PLEKHG7: variants seen among roughly 807,000 people sequenced by gnomAD.
The protein encoded by PLEKHG7 is pleckstrin homology domain-containing family G member 7.
In PLEKHG7, 77 loss-of-function variants were observed where a neutral mutation model predicts 85.2. The observed-to-expected ratio is 0.90, with a 90% CI of 0.75 to 1.09. The LOEUF is 1.09. Among genes scored for constraint, PLEKHG7 ranks in the 50% least tolerant of loss-of-function variants. The pLI is 0.00. For missense variants in PLEKHG7, 777 were observed against 804.3 expected (o/e 0.97, Z 0.41); for synonymous variants, 301 against 302.4 (o/e 1.00, Z 0.05).
rs745714398 is a variant in PLEKHG7 at position 92,756,315 on chromosome 12, T to A, written c.1560T>A (p.Phe520Leu). 3 of 1,610,714 alleles carry A rather than the reference T, an allele frequency of 1.9e-6. No individual in the cohort carries two copies. In the Admixed American group the frequency reaches 5.0e-5, roughly 27 times the overall value. ...TTTACAAGTGTTTGAAACACATTTT[T>A]AAAGAACACATGGCAGAAAACATCT... is the stretch of plus-strand genomic sequence containing the variant. Reference protein sequence around the residue: ...FFIPECLKHIFKEHMAENILS... With the variant: ...FFIPECLKHILKEHMAENILS... Residue 520 changes from phenylalanine (F) to leucine (L), a missense_variant, in exon 13 of 17, where the codon TTT becomes TTA. By Grantham distance (22) the Phe-to-Leu change is conservative. This residue lies in a region of PLEKHG7 where 520 missense variants were observed against 544.0 expected (regional missense o/e 0.96). Coordinates refer to ENST00000344636, the MANE Select transcript of PLEKHG7 (RefSeq NM_001377329.1).
intron 3 of PLEKHG7, among the ~76,000 whole-genome samples, chr12:92,719,556 A>G (rs1381030536): frequency 1.3e-5 from 2 of 152,378 alleles, no homozygotes; most frequent in East Asian, 3.8e-4. Flanking sequence ...TAGCAAAGGA[A>G]AAGATAAGAC....
At position 92,707,034 on chromosome 12, in the gene PLEKHG7, C is replaced by T; in HGVS notation, c.403C>T (p.Pro135Ser). 1 of 1,614,180 alleles carries T rather than the reference C, an allele frequency of 6.2e-7. No individual in the cohort carries two copies. Among genetic ancestry groups the T allele is most frequent in the Non-Finnish European group, 8.5e-7 (1 of 1,180,034 alleles). The change falls in exon 2 of 17, where the codon CCT becomes TCT. Residue 135 changes from proline to serine, a missense_variant. Transcript: ENST00000344636. ...QTRPTDKYLPPELQPVNEGSL... is the reference protein window; with the variant it reads ...QTRPTDKYLPSELQPVNEGSL... ...CCGGCCCACTGACAAGTATCTCCCT[C>T]CTGAGCTTCAGCCTGTCAATGAAGG...
chr12:92,721,404 G>T, intron 3 of PLEKHG7: 1 of 1,194,118 alleles, frequency 8.4e-7, no homozygotes, highest in South Asian at 4.2e-5. Context: ...TGGACCTTCA[G>T]ATCTTCAGCA....
chr12:92,706,305 G>A (rs1269542537), intron 1 of PLEKHG7, among the ~76,000 whole-genome samples, 166 bp from the exon 2 acceptor site: 1 of 152,166 alleles, frequency 6.6e-6, no homozygotes, highest in African/African-American at 2.4e-5. Flanking sequence ...GAGAAGGCTG[G>A]AGTCACGTAT....
Position 92,707,141 on chromosome 12 carries a change from AAC to A in PLEKHG7, c.507+7_507+8del, listed in dbSNP as rs778265660. On this transcript the variant is annotated splice_donor_5th_base_variant and intron_variant, in intron 2 of 16. Coordinates refer to ENST00000344636, the MANE Select transcript of PLEKHG7 (RefSeq NM_001377329.1). ...CCCTACGACACCCTAGTCCTCAGGTAACACAGCTCTAAGCCTCCGGCCTCTCA... is the reference window on the plus strand; with the variant it reads ...CCCTACGACACCCTAGTCCTCAGGTAACAGCTCTAAGCCTCCGGCCTCTCA... The A allele has an allele frequency of 2.5e-6, 4 of 1,610,346 alleles. No individual in the cohort carries two copies. Among genetic ancestry groups the A allele is most frequent in the African/African-American group, 2.7e-5 (2 of 74,824 alleles).
At chr12:92,712,459 C>G (rs1278236195) in intron 3 of PLEKHG7, among the ~76,000 whole-genome samples, 2 of 152,160 alleles carry the variant, frequency 1.3e-5, no homozygotes, top group Admixed American at 1.3e-4. Flanking sequence ...ACAGCAGCTG[C>G]AATTGGAGTC....
intron 10 of PLEKHG7, among the ~76,000 whole-genome samples, chr12:92,749,901 TATTTC>T (rs1319599655): frequency 2.7e-5 from 3 of 110,762 alleles, no homozygotes; most frequent in Admixed American, 8.6e-5. Context: ...TATTTTATTT[TATTTC>T]ATTTATTTTA....
chr12:92,706,461 C>T lies in PLEKHG7; in HGVS notation c.-161-10C>T, dbSNP rs781616119. The T allele has an allele frequency of 8.1e-6, 6 of 737,962 alleles. No individual in the cohort carries two copies. The highest frequency in any genetic ancestry group is 1.8e-5 in the African/African-American group (1 of 56,742). The allele number at this position is 737,962 out of a possible 1,614,324, so 45.7% of individuals were successfully genotyped here. A position where few individuals can be genotyped will look rare whatever the true frequency, so the allele number is the denominator to read the frequency against. Reference sequence around the variant, plus strand: ...CTACATATTTCACAGTCTGCTCTTCCTCACTACAGATGCAATAACCTGCTT... The same window carrying T: ...CTACATATTTCACAGTCTGCTCTTCTTCACTACAGATGCAATAACCTGCTT... On this transcript the variant is annotated splice_polypyrimidine_tract_variant and intron_variant, in intron 1 of 16. Transcript: ENST00000344636.
In PLEKHG7 at chr12:92,756,327, G is replaced by A. The variant is rs776170688; in HGVS notation, c.1572G>A (p.Met524Ile). 26 of 1,612,100 alleles carry A rather than the reference G, an allele frequency of 1.6e-5. No homozygotes were observed. The African/African-American group carries it at 2.3e-4, about 14-fold the overall frequency. Residue 524 changes from methionine to isoleucine, a missense_variant, in exon 13 of 17, where the codon ATG becomes ATA. Coordinates refer to ENST00000344636, the MANE Select transcript of PLEKHG7 (RefSeq NM_001377329.1). ...TGAAACACATTTTTAAAGAACACAT[G>A]GCAGAAAACATCTTGTCACCAACCA... ...ECLKHIFKEH[M>I]AENILSPTSR...
intron 10 of PLEKHG7, among the ~76,000 whole-genome samples, chr12:92,748,266 A>G (rs1284017210): frequency 2.3e-5 from 3 of 128,300 alleles, no homozygotes; most frequent in African/African-American, 8.8e-5. Flanking sequence ...TTTTTTTTTG[A>G]GACAGAGTTT....
chr12:92,743,791 C>A (rs372359109), intron 9 of PLEKHG7, among the ~76,000 whole-genome samples: 25 of 152,276 alleles, frequency 1.6e-4, no homozygotes, highest in African/African-American at 5.8e-4. Flanking sequence ...AACTCCTGAC[C>A]TCAGGTGATC....
intron 13 of PLEKHG7, among the ~76,000 whole-genome samples, chr12:92,759,706 C>G (rs1201890810): frequency 6.6e-6 from 1 of 152,172 alleles, no homozygotes; most frequent in African/African-American, 2.4e-5. Context: ...ACTGAATCGA[C>G]CAGCACCTTG....
In PLEKHG7 at chr12:92,755,956, C is replaced by A; in HGVS notation, c.1542+16C>A. ...CATTCCAGAGGTACAAAAAAAAAAT[C>A]AATTAGGACTTATGTCCATTTCTGG... On this transcript the variant is annotated intron_variant, in intron 12 of 16. Transcript: ENST00000344636. The A allele has an allele frequency of 6.6e-7, 1 of 1,512,172 alleles. No individual in the cohort carries two copies. The highest frequency in any genetic ancestry group is 1.2e-5 in the South Asian group (1 of 85,722). The allele number at this position is 1,512,172 out of a possible 1,614,324, so 93.7% of individuals were successfully genotyped here.
chr12:92,728,948 A>T (rs1476841000), intron 3 of PLEKHG7, 45 bp from the exon 4 acceptor site: 1 of 1,210,508 alleles, frequency 8.3e-7, no homozygotes, highest in Non-Finnish European at 1.0e-6. Context: ...TGAGTGGTCT[A>T]AGATGATATT....
At chr12:92,738,119 T>C (rs958819116) in intron 7 of PLEKHG7, among the ~76,000 whole-genome samples, 1 of 152,218 alleles carries the variant, frequency 6.6e-6, no homozygotes, top group African/African-American at 2.4e-5. Context: ...CCATTGCAGA[T>C]ATAGGGGGCT....
intron 13 of PLEKHG7, 109 bp from the exon 14 acceptor site, chr12:92,761,643 A>AAGAAAGAAAG (rs1565797583): frequency 5.6e-5 from 30 of 533,052 alleles, no homozygotes; most frequent in Non-Finnish European, 7.1e-5. Context: ...AGAAAGAAAG[A>AAGAAAGAAAG]AAGAAAGAAA....
chr12:92,754,312 G>A (rs1872767967), intron 11 of PLEKHG7, 48 bp downstream of exon 11: 1 of 1,576,294 alleles, frequency 6.3e-7, no homozygotes, highest in Non-Finnish European at 8.7e-7. Context: ...GTGGCCTTGT[G>A]ACTCCTGGAA....
chr12:92,719,739 A>C lies in PLEKHG7; in HGVS notation c.531-9254A>C, dbSNP rs1364907378. 3.3e-5 allele frequency among the ~76,000 whole-genome samples: 5 copies of C among 152,350 alleles called. No homozygotes were observed. The East Asian group carries it at 9.6e-4, about 29-fold the overall frequency. On this transcript the variant is annotated intron_variant, in intron 3 of 16. Transcript: ENST00000344636. Reference sequence around the variant, plus strand: ...AGTCCTTGGCTTAAGTCTGCTGCACAGAAGGAATCTTTTAAAAATGTAAGT... The same window carrying C: ...AGTCCTTGGCTTAAGTCTGCTGCACCGAAGGAATCTTTTAAAAATGTAAGT...
intron 5 of PLEKHG7, among the ~76,000 whole-genome samples, chr12:92,734,976 C>A (rs1295806182): frequency 6.6e-6 from 1 of 152,154 alleles, no homozygotes; most frequent in East Asian, 1.9e-4. Context: ...ATGGGTGTGT[C>A]GTTTTCAAGA....
Sources: gnomAD v4.1 joint callset for allele counts (sites outside exome capture counted in the v4.1 genomes callset) on GRCh38, gnomAD v4.1.1 for gene constraint, gnomAD v4.1.1 regional missense constraint, MANE v1.5 for transcripts, NCBI Gene and HGNC (gene_info 2026-07-23, HGNC 2026-07-21) for gene names.